Variants in HDAC6 observed in about 807,000 individuals in gnomAD.
HDAC6 encodes histone deacetylase 6.
A neutral mutation model predicts 88.9 loss-of-function variants in HDAC6; 5 were observed. That is an observed-to-expected ratio of 0.06 (90% confidence interval 0.03 to 0.12). The LOEUF (loss-of-function observed/expected upper bound fraction) is 0.12. Ranked by LOEUF, HDAC6 falls within the 10% of genes least tolerant of loss-of-function variation. The pLI is 1.00. For synonymous variants in HDAC6, 378 were observed against 398.0 expected (o/e 0.95, Z 0.60); for missense variants, 706 against 1,014.4 (o/e 0.70, Z 4.13).
intron 23 of HDAC6, among the ~76,000 whole-genome samples, chrX:48,821,571 C>G (rs782655746): frequency 9.9e-6 from 1 of 101,245 alleles, no homozygotes; most frequent in East Asian, 3.2e-4. Context: ...GGCGCTATCT[C>G]GGCTCACTGC....
chrX:48,816,917 G>A (rs2062994726), intron 19 of HDAC6: 2 of 337,487 alleles, frequency 5.9e-6, no homozygotes, highest in Non-Finnish European at 1.0e-5. Flanking sequence ...TTGCACCACT[G>A]CACTCTAGCC....
In HDAC6 at chrX:48,820,163, C is replaced by T; in HGVS notation, c.2245C>T (p.Leu749=). ...AGFDAARGDP[L]GGCQVSPEGY... is the part of the protein sequence containing the mutation. Reference sequence around the variant, plus strand: ...CTTTGATGCTGCACGGGGGGATCCGCTGGGGGGCTGCCAGGTGTCACCTGA... The same window carrying T: ...CTTTGATGCTGCACGGGGGGATCCGTTGGGGGGCTGCCAGGTGTCACCTGA... The change falls in exon 23 of 29, where the codon CTG becomes TTG. Residue 749 remains leucine, a synonymous_variant. Transcript: ENST00000334136. 3.3e-6 allele frequency: 4 copies of T among 1,211,290 alleles called. No homozygotes were observed. The South Asian group carries it at 5.3e-5, about 16-fold the overall frequency.
At chrX:48,801,958 G>A (rs1557022452), upstream of HDAC6, 4 of 967,362 alleles carry the variant, frequency 4.1e-6, no homozygotes, top group Middle Eastern at 3.0e-4. Context: ...AGTACAGCGC[G>A]TCGACGGCGG....
chrX:48,816,605 G>A lies in HDAC6; in HGVS notation c.1763G>A (p.Arg588His), dbSNP rs782183158. Residue 588 changes from arginine (R) to histidine (H), a missense_variant, in exon 19 of 29, where the codon CGC (arginine) becomes CAC (histidine). By Grantham distance (29) the Arg-to-His change is conservative. This residue lies in a region of HDAC6 where 138 missense variants were observed against 303.5 expected (regional missense o/e 0.45). Transcript: ENST00000334136. ...CAQLATGAAC[R>H]LVEAVLSGEV... Reference sequence around the variant, plus strand: ...CAGCTTGCCACTGGCGCTGCCTGCCGCCTGGTGGAGGCTGTGCTCTCAGGA... The same window carrying A: ...CAGCTTGCCACTGGCGCTGCCTGCCACCTGGTGGAGGCTGTGCTCTCAGGA... The A allele has an allele frequency of 4.1e-6, 5 of 1,210,865 alleles. No individual in the cohort carries two copies. Among genetic ancestry groups the A allele is most frequent in the South Asian group, 1.8e-5 (1 of 56,897 alleles).
At chrX:48,814,391 T>C (rs1239136646) in intron 10 of HDAC6, 49 bp from the exon 11 acceptor site, 39 of 1,191,319 alleles carry the variant, frequency 3.3e-5, no homozygotes, top group East Asian at 1.2e-4. Flanking sequence ...GGGGTGTCTA[T>C]GGGGATTGAC....
rs2063110922 is a variant in HDAC6 at position 48,823,119 on chromosome X, A to G, written c.2720A>G (p.Gln907Arg). Reference protein sequence around the residue: ...NSETAVVALTQDQPSEAATGG... With the variant: ...NSETAVVALTRDQPSEAATGG... The stretch of plus-strand genomic sequence containing the variant: ...GAGACAGCTGTGGTGGCCCTCACTC[A>G]GGACCAGCCCTCAGAGGCAGCCACA... The change falls in exon 25 of 29, where the codon CAG (glutamine) becomes CGG (arginine). Residue 907 changes from glutamine to arginine, a missense_variant. Gln to Arg is a conservative substitution (Grantham distance 43). Coordinates refer to ENST00000334136, the MANE Select transcript of HDAC6 (RefSeq NM_006044.4). 1.9e-5 allele frequency: 23 copies of G among 1,208,437 alleles called. No homozygotes were observed. The highest frequency in any genetic ancestry group is 2.5e-5 in the Non-Finnish European group (22 of 894,315).
intron 20 of HDAC6, chrX:48,817,771 A>G: frequency 2.4e-6 from 1 of 421,477 alleles, no homozygotes; most frequent in South Asian, 4.1e-5. Flanking sequence ...ACTCCAGAAG[A>G]CCCACGAACC....
rs2062987004 is a variant in HDAC6 at position 48,816,446 on chromosome X, C to G, written c.1623-19C>G. On this transcript the variant is annotated intron_variant, in intron 18 of 28. Coordinates refer to ENST00000334136, the MANE Select transcript of HDAC6 (RefSeq NM_006044.4). ...GACCCTCCTCACTGTCCTGCGGGTG[C>G]TCCTCTCTGTGCTTCCAGTGCTGAG... 1 of 1,187,048 alleles carries G rather than the reference C, an allele frequency of 8.4e-7. No homozygotes were observed. The highest frequency in any genetic ancestry group is 2.3e-5 in the Admixed American group (1 of 43,151).
chrX:48,816,100 C>A lies in HDAC6; in HGVS notation c.1494-41C>A, dbSNP rs5905711. On this transcript the variant is annotated intron_variant, in intron 17 of 28. Coordinates refer to ENST00000334136, the MANE Select transcript of HDAC6 (RefSeq NM_006044.4). ...GAGTAGGTGTTGGGGGTCCCTCCCC[C>A]TCAGGCACTAAGCCTCTACCTCTCG... The A allele has an allele frequency of 1.2e-3, 1,436 of 1,208,296 alleles. 2 individuals carry two copies. The highest frequency in any genetic ancestry group is 1.5e-3 in the Non-Finnish European group (1,322 of 893,669).
At chrX:48,813,545 G>C (rs2062933945) in intron 10 of HDAC6, 1 of 112,220 alleles carries the variant, frequency 8.9e-6, no homozygotes, top group African/African-American at 3.2e-5. Context: ...AAAGCAGGGG[G>C]TAAATGACCA....
intron 23 of HDAC6, among the ~76,000 whole-genome samples, chrX:48,820,583 T>A (rs1219232610): frequency 8.9e-6 from 1 of 111,762 alleles, no homozygotes; most frequent in Non-Finnish European, 1.9e-5. Context: ...TAGCCTGAGA[T>A]GGCACATTTA....
At chrX:48,803,529 C>A in intron 4 of HDAC6, 1 of 254,384 alleles carries the variant, frequency 3.9e-6, no homozygotes, top group South Asian at 6.8e-5. Flanking sequence ...TGAAGACAGA[C>A]TTAAGACCAG....
intron 4 of HDAC6, among the ~76,000 whole-genome samples, chrX:48,803,858 C>A (rs782693366): frequency 8.9e-6 from 1 of 112,179 alleles, no homozygotes; most frequent in South Asian, 3.7e-4. Context: ...GAGTTGATGT[C>A]TTTGTTAAAA....
chrX:48,821,947 C>T, intron 23 of HDAC6, among the ~76,000 whole-genome samples: 1 of 112,219 alleles, frequency 8.9e-6, no homozygotes, highest in Non-Finnish European at 1.9e-5. Flanking sequence ...CAGATGACTC[C>T]ATCAGAGAGC....
At chrX:48,814,391 TG>T in intron 10 of HDAC6, 48 bp from the exon 11 acceptor site, 1 of 1,193,239 alleles carries the variant, frequency 8.4e-7, no homozygotes. Context: ...GGGGTGTCTA[TG>T]GGGATTGACT....
chrX:48,807,174 A>G (rs1476329416), intron 8 of HDAC6, among the ~76,000 whole-genome samples: 2 of 112,323 alleles, frequency 1.8e-5, no homozygotes, highest in African/African-American at 6.5e-5. Context: ...TGGTAGTAAC[A>G]TGACATACTC....
intron 14 of HDAC6, 97 bp downstream of exon 14, chrX:48,815,148 T>G: frequency 2.7e-6 from 2 of 744,928 alleles, no homozygotes; most frequent in Non-Finnish European, 4.1e-6. Context: ...AGGAATTCAC[T>G]TACTAGCTGG....
intron 22 of HDAC6, among the ~76,000 whole-genome samples, chrX:48,818,690 C>T (rs1344208881): frequency 8.9e-6 from 1 of 112,202 alleles, no homozygotes; most frequent in African/African-American, 3.2e-5. Flanking sequence ...ACCAATGGCC[C>T]GTGTCCTGGC....
rs200111431 is a variant in HDAC6 at position 48,823,146 on chromosome X, G to C, written c.2747G>C (p.Gly916Ala). The C allele has an allele frequency of 8.3e-7, 1 of 1,206,740 alleles. No individual in the cohort carries two copies. The highest frequency in any genetic ancestry group is 1.1e-6 in the Non-Finnish European group (1 of 893,543). The change falls in exon 25 of 29, where the codon GGG becomes GCG. Residue 916 changes from glycine (G) to alanine (A), a missense_variant. Around this residue, in one of 9 missense-constraint regions of HDAC6, gnomAD observed 89 missense variants for 90.9 expected, o/e 0.98. Transcript: ENST00000334136. The part of the protein sequence containing the change: ...TQDQPSEAAT[G>A]GATLAQTISE... ...GACCAGCCCTCAGAGGCAGCCACAG[G>C]GGGAGCCACTCTGGCCCAGACCATT...
Sources: gnomAD v4.1 joint callset for allele counts (sites outside exome capture counted in the v4.1 genomes callset) on GRCh38, gnomAD v4.1.1 for gene constraint, gnomAD v4.1.1 regional missense constraint, MANE v1.5 for transcripts, NCBI Gene and HGNC (gene_info 2026-07-23, HGNC 2026-07-21) for gene names.